MACROD2: variants seen among roughly 807,000 people sequenced by gnomAD.
MACROD2 encodes the protein mono-ADP ribosylhydrolase 2, also known as ADP-ribose glycohydrolase MACROD2.
A neutral mutation model predicts 70.4 loss-of-function variants in MACROD2; 36 were observed. That is an observed-to-expected ratio of 0.51 (90% CI 0.39 to 0.68). The LOEUF (loss-of-function observed/expected upper bound fraction) is 0.68. Ranked by LOEUF, MACROD2 falls within the 30% of genes least tolerant of loss-of-function variation. The pLI, the probability that MACROD2 is intolerant of heterozygous loss-of-function variation, is 0.00. For synonymous variants in MACROD2, 172 were observed against 178.8 expected (o/e 0.96, Z 0.30); for missense variants, 496 against 538.4 (o/e 0.92, Z 0.78).
At chr20:15,163,408 A>G (rs532698851) in intron 5 of MACROD2, among the ~76,000 whole-genome samples, 2 of 152,200 alleles carry the variant, frequency 1.3e-5, no homozygotes, top group African/African-American at 4.8e-5. Context: ...GTTAGAAGAA[A>G]TGAACAAGTC....
intron 6 of MACROD2, among the ~76,000 whole-genome samples, chr20:15,238,256 T>C (rs2145999219): frequency 6.6e-6 from 1 of 152,296 alleles, no homozygotes; most frequent in Non-Finnish European, 1.5e-5. Context: ...GATATAGATG[T>C]CATAAAAATG....
chr20:14,067,040 T>G (rs931626505), intron 2 of MACROD2, among the ~76,000 whole-genome samples: 2 of 151,502 alleles, frequency 1.3e-5, no homozygotes, highest in African/African-American at 2.4e-5. Context: ...CTCAATCTCC[T>G]GACCTCGTGA....
intron 8 of MACROD2, among the ~76,000 whole-genome samples, chr20:15,769,885 A>AT (rs2051593173): frequency 6.6e-6 from 1 of 152,108 alleles, no homozygotes; most frequent in South Asian, 2.1e-4. Context: ...TCCTGAGAGT[A>AT]TTTTTTGTAA....
intron 7 of MACROD2, among the ~76,000 whole-genome samples, chr20:15,466,755 C>T (rs1056340198): frequency 2.6e-5 from 4 of 152,174 alleles, no homozygotes; most frequent in African/African-American, 7.2e-5. Context: ...GATTATGTGA[C>T]AGTTGCTACT....
chr20:15,816,060 CTCTG>C (rs1568576575), intron 8 of MACROD2, among the ~76,000 whole-genome samples: 1 of 151,194 alleles, frequency 6.6e-6, no homozygotes, highest in East Asian at 2.0e-4. Context: ...CTCTTTCTGT[CTCTG>C]TCTCTCTCTA....
At chr20:13,998,997 G>A (rs1285586553) in intron 1 of MACROD2, among the ~76,000 whole-genome samples, 1 of 151,018 alleles carries the variant, frequency 6.6e-6, no homozygotes, top group African/African-American at 2.4e-5. Context: ...TAAATGCCAT[G>A]TAATATGAAC....
chr20:15,468,802 T>G (rs900957510), intron 7 of MACROD2, among the ~76,000 whole-genome samples: 2 of 152,208 alleles, frequency 1.3e-5, no homozygotes, highest in Admixed American at 6.5e-5. Flanking sequence ...TCAATCTCCA[T>G]GCAAAGTATC....
chr20:15,432,738 T>G (rs1032879139), intron 7 of MACROD2, among the ~76,000 whole-genome samples: 2 of 152,036 alleles, frequency 1.3e-5, no homozygotes, highest in African/African-American at 4.8e-5. Flanking sequence ...AAAAACCTAA[T>G]GCCTACACCA....
intron 10 of MACROD2, among the ~76,000 whole-genome samples, chr20:15,915,436 T>C (rs1202841233): frequency 6.6e-6 from 1 of 152,224 alleles, no homozygotes; most frequent in Non-Finnish European, 1.5e-5. Flanking sequence ...AGACTAAATA[T>C]ATATTTCTTA....
chr20:15,589,254 G>T (rs2048645547), intron 8 of MACROD2, among the ~76,000 whole-genome samples: 1 of 152,026 alleles, frequency 6.6e-6, no homozygotes, highest in Non-Finnish European at 1.5e-5. Flanking sequence ...CCTACTCCTG[G>T]GTCCCTCCCA....
intron 2 of MACROD2, among the ~76,000 whole-genome samples, chr20:14,059,644 G>T (rs927235162): frequency 6.6e-6 from 1 of 152,174 alleles, no homozygotes; most frequent in South Asian, 2.1e-4. Context: ...GTTAGCCAAT[G>T]CCCTGATGAG....
chr20:14,992,001 G>A (rs147042962), intron 5 of MACROD2, among the ~76,000 whole-genome samples: 3 of 152,278 alleles, frequency 2.0e-5, no homozygotes, highest in Non-Finnish European at 4.4e-5. Flanking sequence ...TTGTCATATT[G>A]AGTGGGTGGT....
chr20:14,092,759 A>C (rs983391714), intron 3 of MACROD2, among the ~76,000 whole-genome samples: 1 of 152,214 alleles, frequency 6.6e-6, no homozygotes, highest in Non-Finnish European at 1.5e-5. Context: ...AATACGTAGC[A>C]CAGTTCTCGC....
At chr20:16,041,604 A>G (rs187211252) in intron 16 of MACROD2, among the ~76,000 whole-genome samples, 16 of 152,078 alleles carry the variant, frequency 1.1e-4, no homozygotes, top group Admixed American at 8.5e-4. Flanking sequence ...TACTTCTGCA[A>G]AAGGTACTTA....
intron 5 of MACROD2, among the ~76,000 whole-genome samples, chr20:14,802,769 T>TAC (rs1289331259): frequency 3.0e-4 from 17 of 56,764 alleles, no homozygotes; most frequent in African/African-American, 9.8e-4. Context: ...AGCACACACA[T>TAC]ACACACATAC....
chr20:15,278,373 G>A (rs980176112), intron 6 of MACROD2, among the ~76,000 whole-genome samples: 1 of 152,190 alleles, frequency 6.6e-6, no homozygotes, highest in African/African-American at 2.4e-5. Flanking sequence ...GCTGTTTCCT[G>A]TCTTGACAGA....
intron 8 of MACROD2, among the ~76,000 whole-genome samples, chr20:15,573,363 A>G (rs1295469825): frequency 6.6e-6 from 1 of 152,170 alleles, no homozygotes; most frequent in East Asian, 1.9e-4. Flanking sequence ...CATTGTAAGA[A>G]GGGCTGGCAT....
chr20:15,337,606 T>G (rs2078062316), intron 6 of MACROD2, among the ~76,000 whole-genome samples: 1 of 151,702 alleles, frequency 6.6e-6, no homozygotes. Flanking sequence ...ACATACTTAT[T>G]TATTATGGTG....
At chr20:15,058,537 C>T (rs1264301576) in intron 5 of MACROD2, among the ~76,000 whole-genome samples, 1 of 152,122 alleles carries the variant, frequency 6.6e-6, no homozygotes, top group Admixed American at 6.6e-5. Context: ...TCAAATTTAA[C>T]TAGGCATACT....
Sources: allele counts gnomAD v4.1 joint callset (sites outside exome capture counted in the v4.1 genomes callset), GRCh38; gene constraint gnomAD v4.1.1; transcripts MANE v1.5; gene names NCBI Gene and HGNC (gene_info 2026-07-23, HGNC 2026-07-21).